The following ELAPOR1 variants were observed in gnomAD, a reference collection of about 807,000 sequenced individuals.
ELAPOR1 encodes the protein endosome-lysosome associated apoptosis and autophagy regulator 1.
In ELAPOR1, 77 loss-of-function variants were observed where a neutral mutation model predicts 119.7. The observed-to-expected ratio is 0.64, with a 90% confidence interval of 0.54 to 0.78. The LOEUF (loss-of-function observed/expected upper bound fraction) is 0.78, where lower values mean the gene tolerates loss of function less well. Ranked by LOEUF, ELAPOR1 falls within the 30% of genes least tolerant of loss-of-function variation. The probability of loss-of-function intolerance (pLI) is 0.00; values close to 1 mark genes in which losing one functional copy is unlikely to be tolerated. For synonymous variants in ELAPOR1, 481 were observed against 487.2 expected (o/e 0.99, Z 0.17); for missense variants, 1,115 against 1,270.4 (o/e 0.88, Z 1.86).
At chr1:109,114,875 C>G (rs1366763435) in intron 1 of ELAPOR1, among the ~76,000 whole-genome samples, 1 of 152,102 alleles carries the variant, frequency 6.6e-6, no homozygotes, top group Non-Finnish European at 1.5e-5. Flanking sequence ...TATTAAACAT[C>G]GGTTAGTGCA....
chr1:109,162,832 T>C (rs1651345888), intron 2 of ELAPOR1, among the ~76,000 whole-genome samples: 1 of 152,258 alleles, frequency 6.6e-6, no homozygotes, highest in Non-Finnish European at 1.5e-5. Flanking sequence ...ATGAGCCATC[T>C]TCATTGAACT....
chr1:109,147,269 A>T (rs1237729436), intron 1 of ELAPOR1, among the ~76,000 whole-genome samples: 1 of 152,136 alleles, frequency 6.6e-6, no homozygotes, highest in Non-Finnish European at 1.5e-5. Context: ...CAGTTAGTCT[A>T]AAATGATTTA....
intron 1 of ELAPOR1, among the ~76,000 whole-genome samples, chr1:109,148,351 C>CTGG (rs1242324949): frequency 6.6e-6 from 1 of 151,154 alleles, no homozygotes; most frequent in Non-Finnish European, 1.5e-5. Flanking sequence ...GTTGGCCAGG[C>CTGG]TGGTCTTGAA....
intron 1 of ELAPOR1, among the ~76,000 whole-genome samples, chr1:109,155,430 G>T (rs1032971723): frequency 2.0e-5 from 3 of 152,144 alleles, no homozygotes; most frequent in South Asian, 4.2e-4. Context: ...CACTCGCCTT[G>T]GCCTCCCAAA....
In ELAPOR1 at chr1:109,144,061, A is replaced by ATATATATATATATATATTTT; in HGVS notation, c.154-17832_154-17831insATATATATATATATATTTTT. Among the ~76,000 whole-genome samples the ATATATATATATATATATTTT allele has an allele frequency of 2.7e-4, 24 of 88,984 alleles. 2 individuals are homozygous for ATATATATATATATATATTTT. Among genetic ancestry groups the ATATATATATATATATATTTT allele is most frequent in the African/African-American group, 1.1e-3 (23 of 20,736 alleles). 58.4% of individuals were successfully genotyped at this position (88,984 alleles called of 152,430 possible). The stretch of plus-strand genomic sequence containing the variant: ...TATATATATATATATATATTTATAT[A>ATATATATATATATATATTTT]TTTTTTTTTTTTTTTGAGATGGAGT... On this transcript the variant is annotated intron_variant, in intron 1 of 21. Coordinates refer to ENST00000369939, the MANE Select transcript of ELAPOR1 (RefSeq NM_020775.5).
At chr1:109,144,059 A>T (rs374085398) in intron 1 of ELAPOR1, among the ~76,000 whole-genome samples, 1,639 of 34,296 alleles carry the variant, frequency 0.048, 58 homozygotes, top group Admixed American at 0.12. Flanking sequence ...ATATATTTAT[A>T]TATTTTTTTT....
intron 15 of ELAPOR1, among the ~76,000 whole-genome samples, chr1:109,195,667 C>T (rs553647095): frequency 2.0e-5 from 3 of 152,318 alleles, no homozygotes; most frequent in African/African-American, 4.8e-5. Context: ...TTCATCCACA[C>T]GTCTCTTTGC....
rs979223814 is a variant in ELAPOR1 at position 109,200,745 on chromosome 1, A to C, written c.2818A>C (p.Lys940Gln). 2 of 1,613,762 alleles carry C rather than the reference A, an allele frequency of 1.2e-6. No individual in the cohort carries two copies. The highest frequency in any genetic ancestry group is 1.7e-6 in the Non-Finnish European group (2 of 1,179,796). ...CCTCCTGTTTTATAGACTAGAGTACAAGTACTCCAAGCTGGTGATGAATGC... is the reference window on the plus strand; with the variant it reads ...CCTCCTGTTTTATAGACTAGAGTACCAGTACTCCAAGCTGGTGATGAATGC... ...FWKKNQKLEY[K>Q]YSKLVMNATL... Residue 940 changes from lysine to glutamine, a missense_variant, in exon 21 of 22, where the codon AAG (lysine) becomes CAG (glutamine). Coordinates refer to ENST00000369939, the MANE Select transcript of ELAPOR1 (RefSeq NM_020775.5).
intron 7 of ELAPOR1, among the ~76,000 whole-genome samples, chr1:109,184,434 A>T (rs1394925278): frequency 1.3e-5 from 2 of 152,162 alleles, no homozygotes; most frequent in Non-Finnish European, 2.9e-5. Context: ...GAAGAACCTT[A>T]TGTGTTAGGT....
intron 1 of ELAPOR1, among the ~76,000 whole-genome samples, chr1:109,119,537 C>A (rs958338331): frequency 1.4e-5 from 2 of 143,388 alleles, no homozygotes; most frequent in African/African-American, 5.2e-5. Context: ...TTATTTAGAT[C>A]TGTTTATTTT....
intron 1 of ELAPOR1, among the ~76,000 whole-genome samples, chr1:109,156,368 T>C (rs546258944): frequency 6.6e-6 from 1 of 152,270 alleles, no homozygotes; most frequent in East Asian, 1.9e-4. Context: ...CATTTTTAAG[T>C]CTACGGTTCA....
Position 109,188,278 on chromosome 1 carries a change from C to A in ELAPOR1, c.1143C>A (p.Pro381=), listed in dbSNP as rs1653189010. 1 of 1,614,094 alleles carries A rather than the reference C, an allele frequency of 6.2e-7. No individual in the cohort carries two copies. The change falls in exon 9 of 22, where the codon CCC becomes CCA. Residue 381 remains proline (P), a synonymous_variant. Transcript: ENST00000369939. ...PASGVKTHCP[P]CNPGFFKTNN... is the part of the protein sequence containing the mutation. ...CTGGTGTGAAGACCCACTGCCCACC[C>A]TGCAACCCAGGCTTCTTCAAAACCA...
At chr1:109,183,459 A>G (rs1051757616) in intron 7 of ELAPOR1, among the ~76,000 whole-genome samples, 1 of 152,210 alleles carries the variant, frequency 6.6e-6, no homozygotes, top group African/African-American at 2.4e-5. Flanking sequence ...CCAGAGGTTC[A>G]CAGGGTTAAA....
intron 1 of ELAPOR1, among the ~76,000 whole-genome samples, chr1:109,142,955 A>ATT (rs141688332): frequency 2.1e-5 from 3 of 146,292 alleles, no homozygotes; most frequent in Non-Finnish European, 4.5e-5. Context: ...CATACAATGG[A>ATT]TTTTTTTTTT....
Position 109,196,154 on chromosome 1 carries a change from T to TA in ELAPOR1, c.2122-1310dup, listed in dbSNP as rs564929555. On this transcript the variant is annotated intron_variant, in intron 15 of 21. Coordinates refer to ENST00000369939, the MANE Select transcript of ELAPOR1 (RefSeq NM_020775.5). ...CTGGACAACACAGCAAGACTCCATC[T>TA]AAAAAAAAAAGTGACAATATAAAGA... 5.4e-5 allele frequency among the ~76,000 whole-genome samples: 8 copies of TA among 148,280 alleles called. No individual in the cohort carries two copies. The South Asian group carries it at 6.4e-4, about 12-fold the overall frequency.
rs1653196299 is a variant in ELAPOR1 at position 109,188,338 on chromosome 1, C to T, written c.1203C>T (p.Ser401=). The T allele has an allele frequency of 6.2e-7, 1 of 1,612,894 alleles. No individual in the cohort carries two copies. Among genetic ancestry groups the T allele is most frequent in the Non-Finnish European group, 8.5e-7 (1 of 1,179,042 alleles). The change falls in exon 9 of 22, where the codon TCC becomes TCT. Residue 401 remains serine (S), a synonymous_variant. Transcript: ENST00000369939. ...NSTCQPCPYG[S]YSNGSDCTRC... ...CCTGCCAGCCCTGCCCATATGGTTC[C>T]TACTCCAATGGCTCAGGTAACCTCC...
Position 109,188,979 on chromosome 1 carries a change from T to C in ELAPOR1, c.1220-87T>C. ...CAGGCTTCTGGGCTGCCCGCTACTG[T>C]TGCAACTTGTCTGTGTGGCAGCAGC... On this transcript the variant is annotated intron_variant, in intron 9 of 21. Transcript: ENST00000369939. The C allele has an allele frequency of 2.6e-6, 4 of 1,533,398 alleles. No individual in the cohort carries two copies. In the South Asian group the frequency reaches 4.8e-5, roughly 18 times the overall value. The allele number at this position is 1,533,398 out of a possible 1,614,324, so 95.0% of individuals were successfully genotyped here.
intron 7 of ELAPOR1, among the ~76,000 whole-genome samples, chr1:109,182,863 T>C (rs1304206988): frequency 2.4e-5 from 1 of 41,140 alleles, no homozygotes; most frequent in Non-Finnish European, 5.2e-5. Flanking sequence ...CAAGACTCCA[T>C]CTCAAAAAAA....
At chr1:109,123,216 T>A (rs1648556950) in intron 1 of ELAPOR1, among the ~76,000 whole-genome samples, 1 of 152,084 alleles carries the variant, frequency 6.6e-6, no homozygotes, top group Non-Finnish European at 1.5e-5. Flanking sequence ...ATATGGGGGA[T>A]GGGAAGAATA....
Sources: gnomAD v4.1 joint callset for allele counts (sites outside exome capture counted in the v4.1 genomes callset) on GRCh38, gnomAD v4.1.1 for gene constraint, MANE v1.5 for transcripts, NCBI Gene and HGNC (gene_info 2026-07-23, HGNC 2026-07-21) for gene names.